Variants in MYO9A observed in about 807,000 individuals in gnomAD.
MYO9A encodes myosin IXA.
A neutral mutation model predicts 293.3 loss-of-function variants in MYO9A; 103 were observed. The ratio of observed to expected loss-of-function variants is 0.35; its 90% CI spans 0.30 to 0.41. MYO9A has a LOEUF of 0.41. Among genes scored for constraint, MYO9A ranks in the 10% least tolerant of loss-of-function variants. The pLI is 1.00. For missense variants in MYO9A, 2,685 were observed against 3,033.0 expected (o/e 0.89, Z 2.69); for synonymous variants, 1,001 against 1,035.7 (o/e 0.97, Z 0.64).
At chr15:72,044,775 T>C (rs1356193553) in intron 2 of MYO9A, among the ~76,000 whole-genome samples, 23 of 152,232 alleles carry the variant, frequency 1.5e-4, no homozygotes, top group African/African-American at 1.2e-4. Context: ...AATACAAATA[T>C]ATCAGCAAAA....
chr15:71,911,609 T>C (rs749823136), intron 19 of MYO9A, among the ~76,000 whole-genome samples: 8 of 152,166 alleles, frequency 5.3e-5, no homozygotes, highest in Non-Finnish European at 7.3e-5. Context: ...GTATGACTGA[T>C]TATATTAGGA....
At chr15:71,920,636 G>A (rs1400587919) in intron 18 of MYO9A, among the ~76,000 whole-genome samples, 1 of 152,044 alleles carries the variant, frequency 6.6e-6, no homozygotes, top group Non-Finnish European at 1.5e-5. Flanking sequence ...TATTAAAAAG[G>A]ACTAAAATGG....
Position 72,020,936 on chromosome 15 carries a change from T to C in MYO9A, c.1080A>G (p.Glu360=), listed in dbSNP as rs375131458. 1.3e-6 allele frequency: 2 copies of C among 1,536,682 alleles called. No individual in the cohort carries two copies. The highest frequency in any genetic ancestry group is 1.7e-6 in the Non-Finnish European group (2 of 1,148,824). The change falls in exon 5 of 42, where the codon GAA becomes GAG. Residue 360 remains glutamate (E), a synonymous_variant. Coordinates refer to ENST00000356056, the MANE Select transcript of MYO9A (RefSeq NM_006901.4). ...CTCTCACCTGATTGAGATAATGATA[T>C]TCCTCTGGTTGCTTAAGATGGAATG... The part of the protein sequence containing the change: ...RSAFHLKQPE[E]YHYLNQITKK...
At chr15:71,854,691 G>A (rs1018735869) in intron 34 of MYO9A, 122 bp from the exon 35 acceptor site, 8 of 685,466 alleles carry the variant, frequency 1.2e-5, no homozygotes, top group African/African-American at 3.7e-5. Flanking sequence ...AGTTAGAAGA[G>A]TTGGGAGAAA....
intron 2 of MYO9A, among the ~76,000 whole-genome samples, chr15:72,038,517 G>T (rs2078127936): frequency 6.6e-6 from 1 of 152,176 alleles, no homozygotes; most frequent in Non-Finnish European, 1.5e-5. Context: ...GGACAGGATT[G>T]GGGCAGAGCA....
rs115490593 is a variant in MYO9A, at chr15:71,985,345, A to G, written c.1722+5758T>C. 5.3e-3 allele frequency among the ~76,000 whole-genome samples: 806 copies of G among 152,236 alleles called. 9 individuals carry two copies. Among genetic ancestry groups the G allele is most frequent in the African/African-American group, 0.019 (768 of 41,512 alleles). Reference sequence around the variant, plus strand: ...CTGTATATGAAAAATTATAAAGATAATTTTAGCAGTTGGATGATGTCTTCT... The same window carrying G: ...CTGTATATGAAAAATTATAAAGATAGTTTTAGCAGTTGGATGATGTCTTCT... On this transcript the variant is annotated intron_variant, in intron 11 of 41. Coordinates refer to ENST00000356056, the MANE Select transcript of MYO9A (RefSeq NM_006901.4).
At chr15:72,072,296 T>A (rs1416403961) in intron 1 of MYO9A, among the ~76,000 whole-genome samples, 1 of 151,928 alleles carries the variant, frequency 6.6e-6, no homozygotes, top group East Asian at 1.9e-4. Flanking sequence ...CACGCCTGGC[T>A]AATTTTTTGT....
At chr15:71,834,901 A>G (rs1203668204) in intron 39 of MYO9A, among the ~76,000 whole-genome samples, 2 of 152,216 alleles carry the variant, frequency 1.3e-5, no homozygotes, top group Admixed American at 6.5e-5. Context: ...TAAAAATTTT[A>G]AATATATGAA....
chr15:71,849,603 A>G (rs1164452042), intron 38 of MYO9A, among the ~76,000 whole-genome samples: 1 of 151,450 alleles, frequency 6.6e-6, no homozygotes, highest in African/African-American at 2.4e-5. Context: ...TTTGCAGTCA[A>G]GATTGAGGAG....
chr15:72,025,890 G>T (rs1167507304), intron 4 of MYO9A, among the ~76,000 whole-genome samples: 3 of 152,064 alleles, frequency 2.0e-5, no homozygotes, highest in African/African-American at 7.2e-5. Context: ...ATCCTCCAGG[G>T]TAGACCATGT....
At chr15:72,008,506 ATG>A (rs958423133) in intron 7 of MYO9A, among the ~76,000 whole-genome samples, 10 of 103,684 alleles carry the variant, frequency 9.6e-5, no homozygotes, top group African/African-American at 3.4e-4. Context: ...GTGTGTGTGT[ATG>A]TGTGTGTGTA....
At chr15:71,978,703 TG>T (rs1236529567) in intron 11 of MYO9A, among the ~76,000 whole-genome samples, 1 of 151,974 alleles carries the variant, frequency 6.6e-6, no homozygotes, top group East Asian at 1.9e-4. Context: ...CTGGGAAAAG[TG>T]GGACCCCATC....
intron 34 of MYO9A, among the ~76,000 whole-genome samples, chr15:71,855,084 T>C (rs770312160): frequency 2.0e-5 from 3 of 152,206 alleles, no homozygotes; most frequent in Non-Finnish European, 4.4e-5. Context: ...TACAGCTCTT[T>C]TGTATGGACT....
intron 39 of MYO9A, among the ~76,000 whole-genome samples, chr15:71,845,419 G>A (rs949008710): frequency 6.6e-6 from 1 of 152,190 alleles, no homozygotes; most frequent in Non-Finnish European, 1.5e-5. Context: ...ATAGTGCAGT[G>A]GTTCTCAGAG....
At chr15:71,875,187 ATGT>A (rs559322688) in intron 32 of MYO9A, among the ~76,000 whole-genome samples, 35 of 151,932 alleles carry the variant, frequency 2.3e-4, no homozygotes, top group South Asian at 6.2e-4. Flanking sequence ...ATTATAAATG[ATGT>A]TGTGTATATG....
chr15:71,878,643 A>G (rs111280154), intron 30 of MYO9A, among the ~76,000 whole-genome samples: 3 of 152,008 alleles, frequency 2.0e-5, no homozygotes, highest in African/African-American at 7.2e-5. Context: ...TTAAGTAACC[A>G]ATTTATTTTT....
chr15:71,849,836 A>G (rs1379107775), intron 38 of MYO9A, among the ~76,000 whole-genome samples, 200 bp downstream of exon 38: 2 of 152,218 alleles, frequency 1.3e-5, no homozygotes, highest in Non-Finnish European at 2.9e-5. Flanking sequence ...GATTTTAAAA[A>G]TAAGATGCTT....
At chr15:71,840,325 A>T (rs2140978919) in intron 39 of MYO9A, among the ~76,000 whole-genome samples, 1 of 152,318 alleles carries the variant, frequency 6.6e-6, no homozygotes, top group East Asian at 1.9e-4. Flanking sequence ...TAGAAGCCAA[A>T]GATAACTCAT....
Position 71,830,182 on chromosome 15 carries a change from C to G in MYO9A, c.6967G>C (p.Glu2323Gln), listed in dbSNP as rs199951627. Reference protein sequence around the residue: ...SEAAMETDITEQQQAAMQQEE... With the variant: ...SEAAMETDITQQQQAAMQQEE... ...TGCTGCATAGCTGCTTGCTGCTGTTCTGTGATGTCAGTCTCCATGGCTGCC... is the reference window on the plus strand; with the variant it reads ...TGCTGCATAGCTGCTTGCTGCTGTTGTGTGATGTCAGTCTCCATGGCTGCC... Residue 2323 changes from glutamate (E) to glutamine (Q), a missense_variant, in exon 40 of 42, where the codon GAA (glutamate) becomes CAA (glutamine). Glu to Gln is a conservative substitution (Grantham distance 29). Coordinates refer to ENST00000356056, the MANE Select transcript of MYO9A (RefSeq NM_006901.4). 1.6e-4 allele frequency: 259 copies of G among 1,614,004 alleles called. No individual in the cohort carries two copies. Among genetic ancestry groups the G allele is most frequent in the Non-Finnish European group, 2.0e-4 (235 of 1,180,004 alleles).
Sources: gnomAD v4.1 joint callset for allele counts (sites outside exome capture counted in the v4.1 genomes callset) on GRCh38, gnomAD v4.1.1 for gene constraint, MANE v1.5 for transcripts, NCBI Gene and HGNC (gene_info 2026-07-23, HGNC 2026-07-21) for gene names.